Variants in NME7 observed in about 807,000 individuals in gnomAD.
NME7 encodes the protein nucleoside diphosphate kinase 7.
In NME7, 41 loss-of-function variants were observed where a neutral mutation model predicts 49.1. The observed-to-expected ratio is 0.83, with a 90% CI of 0.65 to 1.08. The LOEUF (loss-of-function observed/expected upper bound fraction) is 1.08, where lower values mean the gene tolerates loss of function less well. NME7 is among the 50% of genes least tolerant of loss of function. The pLI is 0.00. For missense variants in NME7, 423 were observed against 463.4 expected, an observed-to-expected ratio of 0.91 and a Z score of 0.80; for synonymous variants, 139 against 150.6, an observed-to-expected ratio of 0.92 and a Z score of 0.56.
intron 6 of NME7, among the ~76,000 whole-genome samples, chr1:169,295,871 A>G (rs1472934359): frequency 6.6e-6 from 1 of 152,106 alleles, no homozygotes; most frequent in Admixed American, 6.5e-5. Context: ...AGCTGTTTTG[A>G]TCTTGCTTCC....
In NME7 at chr1:169,258,553, A is replaced by T. The variant is rs1649058206; in HGVS notation, c.755-20866T>A. The stretch of plus-strand genomic sequence containing the variant: ...CACAGTTAAGGAAATTCACAAATTT[A>T]GACATCTTATTATAAGAACACTGTT... On this transcript the variant is annotated intron_variant, in intron 7 of 11. Transcript: ENST00000367811. Among the ~76,000 whole-genome samples, 2 of 128,692 alleles carry T rather than the reference A, an allele frequency of 1.6e-5. 1 individual carries two copies. The highest frequency in any genetic ancestry group is 3.6e-5 in the Non-Finnish European group (2 of 55,304). 84.4% of individuals were successfully genotyped at this position (128,692 alleles called of 152,430 possible).
intron 10 of NME7, among the ~76,000 whole-genome samples, chr1:169,195,078 G>A (rs1660338737): frequency 6.6e-6 from 1 of 152,012 alleles, no homozygotes; most frequent in Admixed American, 6.6e-5. Flanking sequence ...CATGTTTTTT[G>A]CATTATATGC....
At chr1:169,281,743 A>AT (rs1650024883) in intron 7 of NME7, among the ~76,000 whole-genome samples, 1 of 152,048 alleles carries the variant, frequency 6.6e-6, no homozygotes, top group South Asian at 2.1e-4. Flanking sequence ...TTATGTGATG[A>AT]ATTACGTTTA....
chr1:169,157,632 T>G (rs954075100), intron 11 of NME7, among the ~76,000 whole-genome samples: 2 of 152,068 alleles, frequency 1.3e-5, no homozygotes, highest in African/African-American at 4.8e-5. Context: ...AGCCACAGAT[T>G]CCCCCATTCA....
At chr1:169,326,171 G>A (rs1442851446) in intron 1 of NME7, among the ~76,000 whole-genome samples, 3 of 151,994 alleles carry the variant, frequency 2.0e-5, no homozygotes, top group African/African-American at 7.3e-5. Context: ...TATCCATGTA[G>A]CCTATCCACC....
chr1:169,333,080 A>G (rs1216701926), intron 1 of NME7, among the ~76,000 whole-genome samples: 1 of 152,192 alleles, frequency 6.6e-6, no homozygotes, highest in African/African-American at 2.4e-5. Flanking sequence ...ACAGATGAAT[A>G]AAGAAAATGT....
intron 1 of NME7, among the ~76,000 whole-genome samples, chr1:169,364,561 T>C (rs1009604715): frequency 1.4e-4 from 21 of 152,208 alleles, no homozygotes; most frequent in African/African-American, 5.1e-4. Flanking sequence ...CAACCCTCTT[T>C]GAGTAGGGAA....
intron 10 of NME7, among the ~76,000 whole-genome samples, chr1:169,212,096 A>G (rs960079635): frequency 3.3e-5 from 5 of 152,146 alleles, no homozygotes; most frequent in African/African-American, 1.2e-4. Context: ...TCTGAAATCT[A>G]AGTATTTTCT....
intron 10 of NME7, among the ~76,000 whole-genome samples, chr1:169,183,567 T>C (rs1385159666): frequency 1.3e-5 from 2 of 151,946 alleles, no homozygotes; most frequent in Non-Finnish European, 2.9e-5. Flanking sequence ...TTTGGGAGGC[T>C]GAGGCGGGCG....
intron 1 of NME7, among the ~76,000 whole-genome samples, chr1:169,345,004 A>AT (rs749645296): frequency 3.9e-5 from 6 of 152,120 alleles, no homozygotes; most frequent in Non-Finnish European, 7.4e-5. Flanking sequence ...TACTAATTCA[A>AT]TTGCTTTATT....
Position 169,310,061 on chromosome 1 carries a change from G to C in NME7, c.298C>G (p.Pro100Ala). The C allele has an allele frequency of 6.2e-7, 1 of 1,603,784 alleles. No individual in the cohort carries two copies. The highest frequency in any genetic ancestry group is 8.5e-7 in the Non-Finnish European group (1 of 1,174,612). The change falls in exon 4 of 12, where the codon CCA becomes GCA. Residue 100 changes from proline to alanine, a missense_variant. Coordinates refer to ENST00000367811, the MANE Select transcript of NME7 (RefSeq NM_013330.5). Reference protein sequence around the residue: ...RKEKTLALIKPDAISKAGEII... With the variant: ...RKEKTLALIKADAISKAGEII... ...TCTCCAGCCTTTGATATTGCATCTG[G>C]TTTAATTAGGGCTAGCGTTCTATAA... is the stretch of plus-strand genomic sequence containing the variant.
intron 10 of NME7, among the ~76,000 whole-genome samples, chr1:169,222,107 A>G (rs531381072): frequency 1.5e-4 from 23 of 151,130 alleles, no homozygotes; most frequent in African/African-American, 5.4e-4. Flanking sequence ...CCCTTCTCTG[A>G]TGACTCCAAC....
chr1:169,314,835 A>G (rs1651549803), intron 3 of NME7, among the ~76,000 whole-genome samples: 1 of 152,150 alleles, frequency 6.6e-6, no homozygotes, highest in East Asian at 1.9e-4. Flanking sequence ...AATACTGAAA[A>G]TCTAAAGTAA....
intron 10 of NME7, among the ~76,000 whole-genome samples, chr1:169,183,797 A>G (rs1319415119): frequency 6.6e-6 from 1 of 152,008 alleles, no homozygotes; most frequent in East Asian, 1.9e-4. Context: ...GCGAGACTCC[A>G]TCTCAGAAAA....
At chr1:169,310,449 G>T (rs1385212607) in intron 3 of NME7, among the ~76,000 whole-genome samples, 1 of 152,044 alleles carries the variant, frequency 6.6e-6, no homozygotes, top group Admixed American at 6.6e-5. Flanking sequence ...TTATGAGCTT[G>T]GTTTTTGGTC....
At chr1:169,278,332 C>T (rs1214095551) in intron 7 of NME7, among the ~76,000 whole-genome samples, 1 of 151,840 alleles carries the variant, frequency 6.6e-6, no homozygotes, top group Admixed American at 6.6e-5. Context: ...ACCAATCAGA[C>T]ATAGATTTGG....
At chr1:169,141,474 A>G (rs1658593124) in intron 11 of NME7, among the ~76,000 whole-genome samples, 1 of 152,214 alleles carries the variant, frequency 6.6e-6, no homozygotes, top group Admixed American at 6.5e-5. Flanking sequence ...ATTCGGGAAA[A>G]GGATCTTGGA....
chr1:169,296,278 A>G (rs555356066), intron 6 of NME7, among the ~76,000 whole-genome samples: 63 of 152,268 alleles, frequency 4.1e-4, no homozygotes, highest in East Asian at 1.7e-3. Flanking sequence ...AAGTTCACCA[A>G]TGATATCCAC....
At chr1:169,296,751 G>C (rs1571365535) in intron 6 of NME7, among the ~76,000 whole-genome samples, 1 of 88,442 alleles carries the variant, frequency 1.1e-5, no homozygotes, top group Admixed American at 1.0e-4. Flanking sequence ...CTGATAATCA[G>C]GCTAAGAACT....
Sources: gnomAD v4.1 joint callset for allele counts (sites outside exome capture counted in the v4.1 genomes callset) on GRCh38, gnomAD v4.1.1 for gene constraint, MANE v1.5 for transcripts, NCBI Gene and HGNC (gene_info 2026-07-23, HGNC 2026-07-21) for gene names.